The following UBE3A variants were observed in gnomAD, a reference collection of about 807,000 sequenced individuals.
UBE3A encodes the protein ubiquitin-protein ligase E3A.
UBE3A carries 6 observed loss-of-function variants against 83.4 expected under a neutral mutation model. That is an observed-to-expected ratio of 0.07 (90% CI 0.04 to 0.14). The LOEUF is 0.14. UBE3A is among the 10% of genes least tolerant of loss of function. The probability of loss-of-function intolerance (pLI) is 1.00; values close to 1 mark genes in which losing one functional copy is unlikely to be tolerated. For synonymous variants in UBE3A, 337 were observed against 355.4 expected (o/e 0.95, Z 0.58); for missense variants, 456 against 1,036.1 (o/e 0.44, Z 7.69).
At chr15:25,369,673 A>C (rs1252009175) in intron 6 of UBE3A, among the ~76,000 whole-genome samples, 1 of 152,170 alleles carries the variant, frequency 6.6e-6, no homozygotes, top group Admixed American at 6.6e-5. Context: ...TAATACTAGA[A>C]ATACAATAAA....
intron 1 of UBE3A, among the ~76,000 whole-genome samples, chr15:25,413,471 G>T (rs2090362734): frequency 6.6e-6 from 1 of 151,978 alleles, no homozygotes. Flanking sequence ...TATTAAAACT[G>T]TCTAAGTTTT....
intron 1 of UBE3A, among the ~76,000 whole-genome samples, chr15:25,429,888 T>C (rs4467052): frequency 0.96 from 142,438 of 148,176 alleles, 68,716 homozygotes; most frequent in East Asian, 1. Context: ...ACCTGTAGTC[T>C]CTGCTACTCA....
intron 4 of UBE3A, among the ~76,000 whole-genome samples, chr15:25,403,307 T>C (rs2087632836): frequency 6.6e-6 from 1 of 152,180 alleles, no homozygotes; most frequent in Non-Finnish European, 1.5e-5. Flanking sequence ...TTTTCAGTCT[T>C]CTCAAAACCT....
chr15:25,420,865 T>C (rs376480388), intron 1 of UBE3A: 13 of 152,194 alleles, frequency 8.5e-5, no homozygotes, highest in African/African-American at 1.4e-4. Flanking sequence ...CCAATGTTCA[T>C]AGCAGCATCA....
At chr15:25,374,909 C>G (rs1422456902) in intron 5 of UBE3A, 1 of 153,318 alleles carries the variant, frequency 6.5e-6, no homozygotes, top group Non-Finnish European at 1.5e-5. Flanking sequence ...ATTTAGAAAA[C>G]AAAAGACCTG....
chr15:25,417,151 C>T (rs1887291870), intron 1 of UBE3A, among the ~76,000 whole-genome samples: 1 of 152,076 alleles, frequency 6.6e-6, no homozygotes, highest in African/African-American at 2.4e-5. Context: ...TTATAAAGGA[C>T]TGGGAGACTC....
chr15:25,386,681 G>GAA (rs2083200775), intron 4 of UBE3A, among the ~76,000 whole-genome samples: 2 of 149,346 alleles, frequency 1.3e-5, no homozygotes, highest in Non-Finnish European at 3.0e-5. Context: ...TCAAGGATAA[G>GAA]AAAAAAATCC....
intron 1 of UBE3A, 166 bp downstream of exon 1, chr15:25,438,323 G>A (rs895421437): frequency 4.6e-5 from 7 of 152,412 alleles, no homozygotes; most frequent in Non-Finnish European, 1.5e-5. Flanking sequence ...GCCACCAGGG[G>A]CCTACTTCTG....
rs560919050 is a variant in UBE3A, at chr15:25,338,334, A to C, written c.*803T>G. ...ACTTAAAACAACAACGAGAACAACA[A>C]GAACAAAAATCCCTGTCCTTTCATA... On this transcript the variant is annotated 3_prime_UTR_variant, in exon 13 of 13. Transcript: ENST00000648336. 62 of 150,000 alleles carry C rather than the reference A, an allele frequency of 4.1e-4. No homozygotes were observed. The highest frequency in any genetic ancestry group is 1.5e-3 in the African/African-American group (60 of 40,878). The allele number at this position is 150,000 out of a possible 1,614,324, so 9.3% of individuals were successfully genotyped here. A position where few individuals can be genotyped will look rare whatever the true frequency, so the allele number is the denominator to read the frequency against.
rs560566934 is a variant in UBE3A, at chr15:25,335,659, G to A, written c.*3478C>T. On this transcript the variant is annotated 3_prime_UTR_variant, in exon 13 of 13. Transcript: ENST00000648336. ...AAAAAGAAACAAAGAATGGTCGGTCGATAGAGATGCAAGATGAAGAATTTT... is the reference window on the plus strand; with the variant it reads ...AAAAAGAAACAAAGAATGGTCGGTCAATAGAGATGCAAGATGAAGAATTTT... 1.1e-4 allele frequency: 16 copies of A among 152,270 alleles called. No individual in the cohort carries two copies. Among genetic ancestry groups the A allele is most frequent in the South Asian group, 8.3e-4 (4 of 4,824 alleles). 9.4% of individuals were successfully genotyped at this position (152,270 alleles called of 1,614,324 possible).
At chr15:25,354,498 A>AT (rs766390290) in intron 10 of UBE3A, 30 bp downstream of exon 10, 2 of 1,613,970 alleles carry the variant, frequency 1.2e-6, no homozygotes, top group Admixed American at 3.3e-5. Flanking sequence ...AAATCGATAC[A>AT]TGACTTTTTG....
chr15:25,420,911 C>T (rs1312556191), intron 1 of UBE3A, among the ~76,000 whole-genome samples: 1 of 152,126 alleles, frequency 6.6e-6, no homozygotes, highest in Non-Finnish European at 1.5e-5. Context: ...GTCCAAATGT[C>T]CACTGACAAA....
intron 11 of UBE3A, among the ~76,000 whole-genome samples, chr15:25,348,199 A>G (rs1388550055): frequency 6.6e-6 from 1 of 152,166 alleles, no homozygotes; most frequent in Non-Finnish European, 1.5e-5. Flanking sequence ...ATGAAACAAA[A>G]CCTGATAAAC....
At chr15:25,437,004 T>C (rs1026987114) in intron 1 of UBE3A, among the ~76,000 whole-genome samples, 5 of 152,206 alleles carry the variant, frequency 3.3e-5, no homozygotes, top group African/African-American at 1.2e-4. Flanking sequence ...CCTCTTCATA[T>C]TCTGTTCTTT....
intron 1 of UBE3A, among the ~76,000 whole-genome samples, chr15:25,435,679 T>C (rs1452802654): frequency 6.6e-6 from 1 of 152,208 alleles, no homozygotes; most frequent in African/African-American, 2.4e-5. Context: ...GATCTTGGAC[T>C]TCTCAGCCCC....
chr15:25,347,013 A>C (rs1313364153), intron 11 of UBE3A: 1 of 152,224 alleles, frequency 6.6e-6, no homozygotes, highest in African/African-American at 2.4e-5. Context: ...AGCACAAATA[A>C]AACTATTCTT....
At position 25,438,779 on chromosome 15, in the gene UBE3A, A is replaced by T. The variant is rs1194685054; in HGVS notation, c.-455T>A. 1.3e-5 allele frequency: 2 copies of T among 152,326 alleles called. No individual in the cohort carries two copies. Among genetic ancestry groups the T allele is most frequent in the African/African-American group, 2.4e-5 (1 of 41,424 alleles). The allele number at this position is 152,326 out of a possible 1,614,324, so 9.4% of individuals were successfully genotyped here. A position where few individuals can be genotyped will look rare whatever the true frequency, so the allele number is the denominator to read the frequency against. On this transcript the variant is annotated 5_prime_UTR_variant, in exon 1 of 13. Transcript: ENST00000648336. ...AGCTATTCCGAGGAGGAGCCGAAGG[A>T]GGCGCCGCCGCCCGCAGCCGAGCGC... is the stretch of plus-strand genomic sequence containing the variant.
At chr15:25,363,570 C>G (rs184370245) in intron 6 of UBE3A, among the ~76,000 whole-genome samples, 122 of 152,252 alleles carry the variant, frequency 8.0e-4, no homozygotes, top group South Asian at 1.9e-3. Context: ...CTTCAAGTCA[C>G]AGTAAGTCAC....
At position 25,432,001 on chromosome 15, in the gene UBE3A, G is replaced by C. The variant is rs147036976; in HGVS notation, c.-165+6488C>G. 2.5e-3 allele frequency among the ~76,000 whole-genome samples: 380 copies of C among 152,246 alleles called. 1 individual carries two copies. Among genetic ancestry groups the C allele is most frequent in the Non-Finnish European group, 4.5e-3 (303 of 68,024 alleles). On this transcript the variant is annotated intron_variant, in intron 1 of 12. Coordinates refer to ENST00000648336, the MANE Select transcript of UBE3A (RefSeq NM_130839.5). ...TTAGCTTTATATAGAAAACACTGCT[G>C]TGCACTTCATCCTTTGCTTTCTAAA...
Sources: gnomAD v4.1 joint callset for allele counts (sites outside exome capture counted in the v4.1 genomes callset) on GRCh38, gnomAD v4.1.1 for gene constraint, MANE v1.5 for transcripts, NCBI Gene and HGNC (gene_info 2026-07-23, HGNC 2026-07-21) for gene names.